The following GRAMD1B variants were observed in gnomAD, a reference collection of about 807,000 sequenced individuals.
GRAMD1B encodes the protein GRAM domain containing 1B.
A neutral mutation model predicts 99.7 loss-of-function variants in GRAMD1B; 37 were observed. The observed-to-expected ratio is 0.37, with a 90% CI of 0.29 to 0.49. GRAMD1B has a LOEUF of 0.49. Ranked by LOEUF, GRAMD1B falls within the 20% of genes least tolerant of loss-of-function variation. GRAMD1B has a pLI of 0.98. For missense variants in GRAMD1B, 888 were observed against 1,009.2 expected (o/e 0.88, Z 1.63); for synonymous variants, 427 against 387.6 (o/e 1.10, Z -1.19).
intron 2 of GRAMD1B, among the ~76,000 whole-genome samples, chr11:123,547,554 T>G (rs541509302): frequency 2.0e-5 from 3 of 152,330 alleles, no homozygotes; most frequent in Admixed American, 1.3e-4. Flanking sequence ...AATTATGCCA[T>G]CTGATAACCT....
intron 1 of GRAMD1B, among the ~76,000 whole-genome samples, chr11:123,454,000 C>A (rs971964321): frequency 2.0e-5 from 3 of 152,256 alleles, no homozygotes; most frequent in Admixed American, 2.0e-4. Context: ...TGTTCCTCAC[C>A]TATCCCCACC....
At chr11:123,499,113 C>T (rs962501064) in intron 2 of GRAMD1B, among the ~76,000 whole-genome samples, 4 of 152,080 alleles carry the variant, frequency 2.6e-5, no homozygotes, top group East Asian at 1.9e-4. Flanking sequence ...GTTGGAAACT[C>T]AATCCCCATT....
intron 1 of GRAMD1B, among the ~76,000 whole-genome samples, chr11:123,455,651 T>A (rs1489847247): frequency 1.3e-5 from 2 of 152,194 alleles, no homozygotes; most frequent in Non-Finnish European, 2.9e-5. Flanking sequence ...TTAACATATT[T>A]TTTAGCTTTT....
intron 2 of GRAMD1B, chr11:123,525,561 G>A (rs1159468037): frequency 3.9e-5 from 6 of 153,872 alleles, no homozygotes. Flanking sequence ...CCCATCCTGG[G>A]ACTAAACATG....
intron 2 of GRAMD1B, among the ~76,000 whole-genome samples, chr11:123,573,622 T>C (rs1159015316): frequency 6.6e-6 from 1 of 152,240 alleles, no homozygotes; most frequent in East Asian, 1.9e-4. Flanking sequence ...TTATTTAATC[T>C]GTCAAGAATC....
intron 2 of GRAMD1B, among the ~76,000 whole-genome samples, chr11:123,513,617 CCTTT>C (rs776071975): frequency 3.7e-4 from 17 of 45,810 alleles, no homozygotes; most frequent in African/African-American, 1.3e-3. Flanking sequence ...TTCCTTCCTT[CCTTT>C]CTTTCTTTCT....
intron 2 of GRAMD1B, among the ~76,000 whole-genome samples, chr11:123,535,424 C>A (rs925657237): frequency 2.0e-5 from 3 of 152,034 alleles, no homozygotes; most frequent in Non-Finnish European, 2.9e-5. Flanking sequence ...AGCCTGTGCT[C>A]TCGACCTCCA....
chr11:123,576,706 T>C (rs1948749528), intron 2 of GRAMD1B, among the ~76,000 whole-genome samples: 1 of 152,212 alleles, frequency 6.6e-6, no homozygotes. Flanking sequence ...GGAACCCACA[T>C]GGCTTCCTTA....
chr11:123,513,580 T>C (rs1280572358), intron 2 of GRAMD1B, among the ~76,000 whole-genome samples: 20 of 65,626 alleles, frequency 3.0e-4, no homozygotes, highest in African/African-American at 9.1e-4. Flanking sequence ...TTCCTTCCTT[T>C]CCTTCCTTCC....
Position 123,593,520 on chromosome 11 carries a change from C to G in GRAMD1B, c.685-562C>G, listed in dbSNP as rs377638719. On this transcript the variant is annotated intron_variant, in intron 4 of 19. Transcript: ENST00000635736. ...GGATGGAGAGGGGAGTTGGATGCCT[C>G]TCGTGTGCCCGTTGTGTTTTTTTAA... Among the ~76,000 whole-genome samples, 8 of 152,244 alleles carry G rather than the reference C, an allele frequency of 5.3e-5. No individual in the cohort carries two copies. In the South Asian group the frequency reaches 1.7e-3, roughly 32 times the overall value.
At chr11:123,617,408 T>C (rs1275076) in intron 17 of GRAMD1B, among the ~76,000 whole-genome samples, 57,901 of 151,922 alleles carry the variant, frequency 0.38, 11,672 homozygotes, top group South Asian at 0.56. Context: ...AGGCTGGTTT[T>C]GAACTCCCCA....
chr11:123,612,712 G>A, intron 14 of GRAMD1B, 49 bp from the exon 15 acceptor site: 1 of 1,020,580 alleles, frequency 9.8e-7, no homozygotes, highest in Non-Finnish European at 1.5e-6. Context: ...CCCAGCAGAG[G>A]CAGGCCCACC....
At position 123,495,754 on chromosome 11, in the gene GRAMD1B, A is replaced by G. The variant is rs906969278; in HGVS notation, c.452+14861A>G. Among the ~76,000 whole-genome samples, 4 of 144,628 alleles carry G rather than the reference A, an allele frequency of 2.8e-5. No individual in the cohort carries two copies. The East Asian group carries it at 6.0e-4, about 22-fold the overall frequency. The allele number at this position is 144,628 out of a possible 152,430, so 94.9% of individuals were successfully genotyped here. On this transcript the variant is annotated intron_variant, in intron 2 of 19. Transcript: ENST00000635736. Reference sequence around the variant, plus strand: ...TGTGTTTTTTTGATTTGAGGTCACTATGAGGCTTGCAAATACTATCTTATA... The same window carrying G: ...TGTGTTTTTTTGATTTGAGGTCACTGTGAGGCTTGCAAATACTATCTTATA...
intron 2 of GRAMD1B, 111 bp from the exon 3 acceptor site, chr11:123,577,256 G>A: frequency 1.1e-6 from 1 of 884,026 alleles, no homozygotes; most frequent in Non-Finnish European, 1.8e-6. Context: ...CCCCTCACCT[G>A]GCTCCCTGAG....
In GRAMD1B at chr11:123,625,465, TC is replaced by T. The variant is rs538845362; in HGVS notation, c.*2871del. 2.6e-5 allele frequency: 4 copies of T among 152,370 alleles called. No individual in the cohort carries two copies. In the South Asian group the frequency reaches 8.3e-4, roughly 32 times the overall value. The allele number at this position is 152,370 out of a possible 1,614,324, so 9.4% of individuals were successfully genotyped here. ...TGTGAAAGAATTGACAAGACTGGCC[TC>T]AGACAAGCTAATCATGGTGCGACTC... On this transcript the variant is annotated 3_prime_UTR_variant, in exon 20 of 20. Coordinates refer to ENST00000635736, the MANE Select transcript of GRAMD1B (RefSeq NM_001387025.1).
At chr11:123,577,702 C>T (rs564045990) in intron 3 of GRAMD1B, 125 bp downstream of exon 3, 1 of 709,040 alleles carries the variant, frequency 1.4e-6, no homozygotes, top group Non-Finnish European at 2.4e-6. Flanking sequence ...GGCTCAGAGA[C>T]AGTCATTATC....
chr11:123,576,270 G>C (rs1948699000), intron 2 of GRAMD1B, among the ~76,000 whole-genome samples: 1 of 152,256 alleles, frequency 6.6e-6, no homozygotes, highest in Admixed American at 6.5e-5. Context: ...CTGCAGGGGG[G>C]TCCAGGGTGT....
At chr11:123,436,813 T>C (rs1051122158) in intron 1 of GRAMD1B, among the ~76,000 whole-genome samples, 2 of 152,188 alleles carry the variant, frequency 1.3e-5, no homozygotes, top group Non-Finnish European at 2.9e-5. Context: ...GCAGGTTTGT[T>C]ACATATGTAT....
intron 2 of GRAMD1B, among the ~76,000 whole-genome samples, chr11:123,511,634 A>G (rs987787050): frequency 2.6e-5 from 4 of 151,974 alleles, no homozygotes; most frequent in Non-Finnish European, 5.9e-5. Context: ...TTCATTTGGG[A>G]GCCTTGCTTT....
Sources: allele counts gnomAD v4.1 joint callset (sites outside exome capture counted in the v4.1 genomes callset), GRCh38; gene constraint gnomAD v4.1.1; transcripts MANE v1.5; gene names NCBI Gene and HGNC (gene_info 2026-07-23, HGNC 2026-07-21).